Variants in RABGAP1L observed in about 807,000 individuals in gnomAD.
RABGAP1L encodes the protein RAB GTPase activating protein 1 like.
In RABGAP1L, 63 loss-of-function variants were observed where a neutral mutation model predicts 137.7. The ratio of observed to expected loss-of-function variants is 0.46; its 90% CI spans 0.37 to 0.56. The LOEUF (loss-of-function observed/expected upper bound fraction) is 0.56, where lower values mean the gene tolerates loss of function less well. Ranked by LOEUF, RABGAP1L falls within the 20% of genes least tolerant of loss-of-function variation. The pLI is 0.00. For missense variants in RABGAP1L, 1,095 were observed against 1,244.0 expected (o/e 0.88, Z 1.80); for synonymous variants, 431 against 433.7 (o/e 0.99, Z 0.08).
At chr1:174,293,390 T>C (rs573373586) in intron 10 of RABGAP1L, among the ~76,000 whole-genome samples, 1 of 152,306 alleles carries the variant, frequency 6.6e-6, no homozygotes, top group Non-Finnish European at 1.5e-5. Flanking sequence ...TATGGGGTTA[T>C]TTGAAAACTG....
At chr1:174,879,370 T>C (rs1653766904) in intron 19 of RABGAP1L, among the ~76,000 whole-genome samples, 3 of 151,788 alleles carry the variant, frequency 2.0e-5, no homozygotes, top group Admixed American at 2.0e-4. Context: ...AGTGCTGGGA[T>C]TACAGGCGTG....
At chr1:174,692,061 G>T (rs1471819105) in intron 15 of RABGAP1L, among the ~76,000 whole-genome samples, 1 of 152,092 alleles carries the variant, frequency 6.6e-6, no homozygotes, top group East Asian at 1.9e-4. Context: ...GTTGCATTTG[G>T]CTGCCCCTTG....
chr1:174,863,241 A>AAAAAAAAG (rs768586525), intron 19 of RABGAP1L, among the ~76,000 whole-genome samples: 9,581 of 148,534 alleles, frequency 0.065, 625 homozygotes, highest in East Asian at 0.18. Context: ...AGCAAAAAAA[A>AAAAAAAAG]AAAAAAAGAA....
At chr1:174,656,460 T>G (rs1675979480) in intron 14 of RABGAP1L, among the ~76,000 whole-genome samples, 1 of 152,092 alleles carries the variant, frequency 6.6e-6, no homozygotes, top group Non-Finnish European at 1.5e-5. Context: ...TCCTTCTCAA[T>G]AAATAGAATA....
intron 13 of RABGAP1L, among the ~76,000 whole-genome samples, chr1:174,497,075 A>G (rs1427471306): frequency 1.3e-5 from 2 of 152,330 alleles, no homozygotes; most frequent in African/African-American, 4.8e-5. Flanking sequence ...CTTCTACCAC[A>G]TGTAAGGCAT....
chr1:174,537,392 A>G (rs1267366700), intron 13 of RABGAP1L, among the ~76,000 whole-genome samples: 1 of 152,196 alleles, frequency 6.6e-6, no homozygotes, highest in Non-Finnish European at 1.5e-5. Flanking sequence ...TTTACTGGAG[A>G]AATCAGTGAA....
At chr1:174,163,610 T>A (rs1218916529) in intron 1 of RABGAP1L, among the ~76,000 whole-genome samples, 10 of 127,680 alleles carry the variant, frequency 7.8e-5, no homozygotes, top group Admixed American at 7.8e-4. Flanking sequence ...GCTGTTGGGC[T>A]TAAAAAAAAA....
intron 13 of RABGAP1L, among the ~76,000 whole-genome samples, chr1:174,402,669 GTTT>G (rs1400072915): frequency 1.3e-5 from 2 of 152,128 alleles, no homozygotes; most frequent in Non-Finnish European, 2.9e-5. Flanking sequence ...TCATTGAGAT[GTTT>G]TTATTATTCC....
At chr1:174,269,822 G>A (rs1274147478) in intron 7 of RABGAP1L, among the ~76,000 whole-genome samples, 1 of 152,102 alleles carries the variant, frequency 6.6e-6, no homozygotes, top group Non-Finnish European at 1.5e-5. Flanking sequence ...CCACTATACT[G>A]TAAACTCCTT....
At chr1:174,348,770 TG>T (rs1313420130) in intron 11 of RABGAP1L, among the ~76,000 whole-genome samples, 2 of 150,230 alleles carry the variant, frequency 1.3e-5, no homozygotes, top group South Asian at 2.2e-4. Flanking sequence ...AGCACAGGGT[TG>T]GGGGTAAGGT....
intron 19 of RABGAP1L, among the ~76,000 whole-genome samples, chr1:174,845,040 G>T (rs1162783460): frequency 6.7e-6 from 1 of 148,512 alleles, no homozygotes; most frequent in African/African-American, 2.5e-5. Flanking sequence ...TGTTATTGGT[G>T]TATAAGAATG....
At chr1:174,767,176 C>T (rs1304247983) in intron 18 of RABGAP1L, among the ~76,000 whole-genome samples, 1 of 152,148 alleles carries the variant, frequency 6.6e-6, no homozygotes, top group African/African-American at 2.4e-5. Context: ...GTTCTCCGAC[C>T]ACCTTGGGCA....
At chr1:174,778,259 C>T (rs922459031) in intron 18 of RABGAP1L, among the ~76,000 whole-genome samples, 3 of 152,116 alleles carry the variant, frequency 2.0e-5, no homozygotes, top group Admixed American at 6.6e-5. Flanking sequence ...AGTGGGACCA[C>T]ATGTTAAAAA....
At chr1:174,798,302 G>A (rs1250613367) in intron 18 of RABGAP1L, among the ~76,000 whole-genome samples, 1 of 151,526 alleles carries the variant, frequency 6.6e-6, no homozygotes, top group Non-Finnish European at 1.5e-5. Flanking sequence ...AGCTACTCGG[G>A]AGGCTGAGAC....
At chr1:174,608,681 C>T (rs1213799545) in intron 13 of RABGAP1L, among the ~76,000 whole-genome samples, 1 of 151,992 alleles carries the variant, frequency 6.6e-6, no homozygotes, top group Non-Finnish European at 1.5e-5. Flanking sequence ...GGAATAAGTC[C>T]TTTTTTTCTA....
chr1:174,425,350 G>A (rs1278334126), intron 13 of RABGAP1L, among the ~76,000 whole-genome samples: 1 of 151,964 alleles, frequency 6.6e-6, no homozygotes. Flanking sequence ...GCTTCAGGTG[G>A]TAAGCATGTC....
intron 19 of RABGAP1L, among the ~76,000 whole-genome samples, chr1:174,816,841 C>T (rs1690475260): frequency 6.6e-6 from 1 of 152,018 alleles, no homozygotes; most frequent in Non-Finnish European, 1.5e-5. Context: ...AAGCAGTTCC[C>T]CTGCCCAGCC....
At chr1:174,919,775 G>C (rs563053015) in intron 19 of RABGAP1L, among the ~76,000 whole-genome samples, 1 of 152,218 alleles carries the variant, frequency 6.6e-6, no homozygotes, top group South Asian at 2.1e-4. Flanking sequence ...AGGATCACTT[G>C]AGCCCAGGAG....
chr1:174,901,520 C>T (rs1419209324), intron 19 of RABGAP1L, among the ~76,000 whole-genome samples: 2 of 152,142 alleles, frequency 1.3e-5, no homozygotes, highest in Non-Finnish European at 2.9e-5. Context: ...TCAGTTATCT[C>T]CACCTGAGCC....
Sources: allele counts gnomAD v4.1 joint callset (sites outside exome capture counted in the v4.1 genomes callset), GRCh38; gene constraint gnomAD v4.1.1; transcripts MANE v1.5; gene names NCBI Gene and HGNC (gene_info 2026-07-23, HGNC 2026-07-21).